Variants in ICA1 observed in about 807,000 individuals in gnomAD.
ICA1 encodes islet cell autoantigen 1, also known as 69 kDa islet cell autoantigen.
A neutral mutation model predicts 71.0 loss-of-function variants in ICA1; 40 were observed. The ratio of observed to expected loss-of-function variants is 0.56; its 90% CI spans 0.44 to 0.73. The LOEUF is 0.73. Ranked by LOEUF, ICA1 falls within the 30% of genes least tolerant of loss-of-function variation. The probability of loss-of-function intolerance (pLI) is 0.00; values close to 1 mark genes in which losing one functional copy is unlikely to be tolerated. For synonymous variants in ICA1, 207 were observed against 209.5 expected (o/e 0.99, Z 0.10); for missense variants, 578 against 576.5 (o/e 1.00, Z -0.03).
chr7:8,161,404 C>T lies in ICA1; in HGVS notation c.580-2752G>A, dbSNP rs367727101. The stretch of plus-strand genomic sequence containing the variant: ...GAGGGGTGGGGTTGTAGGATGATGG[C>T]ATTAAAGCCTTAACTAATGGCCTCC... On this transcript the variant is annotated intron_variant, in intron 6 of 13. Transcript: ENST00000402384. Among the ~76,000 whole-genome samples, 37 of 152,258 alleles carry T rather than the reference C, an allele frequency of 2.4e-4. No homozygotes were observed. The South Asian group carries it at 7.3e-3, about 30-fold the overall frequency.
At chr7:8,206,349 T>A (rs987382904) in intron 6 of ICA1, among the ~76,000 whole-genome samples, 1 of 152,116 alleles carries the variant, frequency 6.6e-6, no homozygotes, top group East Asian at 1.9e-4. Flanking sequence ...ACCTCCTCCA[T>A]CCAGCTGCCC....
At chr7:8,255,280 C>G (rs1030224465) in intron 1 of ICA1, among the ~76,000 whole-genome samples, 1 of 152,202 alleles carries the variant, frequency 6.6e-6, no homozygotes, top group African/African-American at 2.4e-5. Context: ...CAGAGAACAT[C>G]TTTCACTATG....
intron 6 of ICA1, among the ~76,000 whole-genome samples, chr7:8,207,929 G>T (rs143138861): frequency 3.9e-5 from 6 of 152,168 alleles, no homozygotes; most frequent in Non-Finnish European, 7.3e-5. Context: ...GTTTCACTGA[G>T]AGACAGGGAA....
chr7:8,113,889 G>T lies in ICA1; in HGVS notation c.*34C>A, dbSNP rs1374450653. 2.5e-6 allele frequency: 4 copies of T among 1,612,960 alleles called. No homozygotes were observed. The African/African-American group carries it at 5.3e-5, about 22-fold the overall frequency. ...CTAGCCCCCAGGGGAGCTGCTGGGG[G>T]CGGCATGTGAGTGCCCTCCCGAAGG... On this transcript the variant is annotated 3_prime_UTR_variant, in exon 14 of 14. Transcript: ENST00000402384. This position sits in a 1 kb window ranked among gnomAD's most constrained non-coding sequence, Gnocchi z 4.2.
intron 6 of ICA1, 32 bp downstream of exon 6, chr7:8,218,273 C>T (rs770990981): frequency 1.9e-6 from 3 of 1,583,004 alleles, no homozygotes; most frequent in Non-Finnish European, 1.7e-6. Context: ...CCAGCAGGTA[C>T]CCCTTCTGCT....
In ICA1 at chr7:8,222,748, A is replaced by C. The variant is rs1314743990; in HGVS notation, c.257-1350T>G. Among the ~76,000 whole-genome samples the C allele has an allele frequency of 6.6e-6, 1 of 152,196 alleles. No homozygotes were observed. The highest frequency in any genetic ancestry group is 2.4e-5 in the African/African-American group (1 of 41,456). On this transcript the variant is annotated intron_variant, in intron 4 of 13. Transcript: ENST00000402384. The surrounding 1 kb of genome is among the most constrained non-coding windows in gnomAD (Gnocchi z 4.8). ...CTTCTGTCTCTCAAAAATCAAGTTC[A>C]CCATCAAAGGCCTGCTCGCAGGTTC...
chr7:8,202,492 A>G (rs1790069424), intron 6 of ICA1, among the ~76,000 whole-genome samples: 1 of 152,236 alleles, frequency 6.6e-6, no homozygotes. Context: ...ATTCAATGTC[A>G]AAGTTTCTTT....
intron 4 of ICA1, 113 bp downstream of exon 4, chr7:8,228,488 G>A (rs1352411562): frequency 1.8e-6 from 1 of 555,434 alleles, no homozygotes; most frequent in East Asian, 3.1e-5. Context: ...CCCAACGCCT[G>A]AAGACACAGA....
intron 6 of ICA1, among the ~76,000 whole-genome samples, chr7:8,175,000 C>A (rs1301696674): frequency 6.6e-6 from 1 of 152,042 alleles, no homozygotes; most frequent in African/African-American, 2.4e-5. Context: ...TTAAACAGGG[C>A]CTTGGAGACA....
chr7:8,179,224 G>T (rs1562864912), intron 6 of ICA1, among the ~76,000 whole-genome samples: 1 of 152,142 alleles, frequency 6.6e-6, no homozygotes, highest in African/African-American at 2.4e-5. Context: ...GAACACAAAA[G>T]AAAAACTTCT....
At position 8,259,580 on chromosome 7, in the gene ICA1, A is replaced by C. The variant is rs186647554; in HGVS notation, c.-80+2514T>G. On this transcript the variant is annotated intron_variant, in intron 1 of 13. Coordinates refer to ENST00000402384, the MANE Select transcript of ICA1 (RefSeq NM_001136020.3). ...ATTACTACTGAGTGAGTCCTATTTA[A>C]AAGCGTGCAAAGCATTTTATATACA... Among the ~76,000 whole-genome samples, 4 of 152,356 alleles carry C rather than the reference A, an allele frequency of 2.6e-5. No individual in the cohort carries two copies. The East Asian group carries it at 7.7e-4, about 29-fold the overall frequency.
chr7:8,208,957 T>C (rs1215798486), intron 6 of ICA1, among the ~76,000 whole-genome samples: 1 of 152,206 alleles, frequency 6.6e-6, no homozygotes, highest in Non-Finnish European at 1.5e-5. Context: ...TATTTTGACC[T>C]GGAACTTGAT....
intron 4 of ICA1, among the ~76,000 whole-genome samples, chr7:8,227,367 G>A (rs1184384343): frequency 2.6e-5 from 4 of 152,156 alleles, no homozygotes; most frequent in Non-Finnish European, 1.5e-5. Flanking sequence ...AAGATGGAGA[G>A]AGGAAGGAGA....
intron 6 of ICA1, among the ~76,000 whole-genome samples, chr7:8,213,986 T>G (rs1794636765): frequency 6.6e-6 from 1 of 152,214 alleles, no homozygotes; most frequent in Non-Finnish European, 1.5e-5. Context: ...ATTATGGTGA[T>G]GAAACACTAG....
At chr7:8,183,373 A>G (rs1200468773) in intron 6 of ICA1, among the ~76,000 whole-genome samples, 1 of 152,224 alleles carries the variant, frequency 6.6e-6, no homozygotes, top group Non-Finnish European at 1.5e-5. Context: ...GCAAAGCCTG[A>G]GCAATGCAGC....
intron 13 of ICA1, among the ~76,000 whole-genome samples, chr7:8,120,320 GA>G (rs912520827): frequency 2.0e-5 from 3 of 152,120 alleles, no homozygotes; most frequent in Non-Finnish European, 4.4e-5. Context: ...CTATTTATGG[GA>G]AAAAAAGCAA....
intron 1 of ICA1, among the ~76,000 whole-genome samples, chr7:8,236,386 G>A (rs994508160): frequency 6.6e-6 from 1 of 152,204 alleles, no homozygotes; most frequent in African/African-American, 2.4e-5. Flanking sequence ...CCAGACAGCA[G>A]ACCACGGCAG....
At chr7:8,254,070 G>C (rs947142288) in intron 1 of ICA1, among the ~76,000 whole-genome samples, 1 of 152,174 alleles carries the variant, frequency 6.6e-6, no homozygotes, top group Non-Finnish European at 1.5e-5. Context: ...TCCTGGCTGA[G>C]AGTGAGGAGA....
At position 8,135,803 on chromosome 7, in the gene ICA1, TC is replaced by T. The variant is rs535005802; in HGVS notation, c.1060+3036del. 6.6e-3 allele frequency among the ~76,000 whole-genome samples: 1,012 copies of T among 152,346 alleles called. 20 individuals carry two copies. The highest frequency in any genetic ancestry group is 0.024 in the African/African-American group (978 of 41,578). ...AATTGTTTTAATTGGCTTAGTCTTG[TC>T]CTGGAGAGGGATCTTTTGGGTAAGG... On this transcript the variant is annotated intron_variant, in intron 12 of 13. Transcript: ENST00000402384.
Sources: gnomAD v4.1 joint callset for allele counts (sites outside exome capture counted in the v4.1 genomes callset) on GRCh38, gnomAD v4.1.1 for gene constraint, Gnocchi (gnomAD v3.1) non-coding constraint, MANE v1.5 for transcripts, NCBI Gene and HGNC (gene_info 2026-07-23, HGNC 2026-07-21) for gene names.